Variants in LMO7 observed in about 807,000 individuals in gnomAD.
The protein encoded by LMO7 is LIM domain only protein 7.
LMO7 carries 120 observed loss-of-function variants against 206.5 expected under a neutral mutation model. The ratio of observed to expected loss-of-function variants is 0.58; its 90% confidence interval spans 0.50 to 0.68. LMO7 has a LOEUF of 0.68. Among genes scored for constraint, LMO7 ranks in the 30% least tolerant of loss-of-function variants. The pLI, the probability that LMO7 is intolerant of heterozygous loss-of-function variation, is 0.00. For missense variants in LMO7, 1,959 were observed against 1,957.9 expected (o/e 1.00, Z -0.01); for synonymous variants, 706 against 681.5 (o/e 1.04, Z -0.56).
chr13:75,822,762 C>CTATACATA (rs1555337498), intron 14 of LMO7, among the ~76,000 whole-genome samples: 1 of 108,448 alleles, frequency 9.2e-6, no homozygotes, highest in African/African-American at 3.6e-5. Flanking sequence ...TTTTTAGAAA[C>CTATACATA]TATATATATA....
intron 4 of LMO7, among the ~76,000 whole-genome samples, chr13:75,774,316 T>C (rs1437056045): frequency 6.6e-6 from 1 of 152,148 alleles, no homozygotes; most frequent in East Asian, 1.9e-4. Flanking sequence ...ATGTAGTCTG[T>C]TGTGTTTTAT....
rs187037048 is a variant in LMO7, at chr13:75,727,495, A to G, written c.210+397A>G. On this transcript the variant is annotated intron_variant, in intron 3 of 30. Coordinates refer to ENST00000377534, the MANE Select transcript of LMO7 (RefSeq NM_001306080.2). ...TACGAATACCTTCTACCTCAGATCC[A>G]TGTTTCCTATTTTCTCCTGTATCAT... Among the ~76,000 whole-genome samples, 26 of 152,172 alleles carry G rather than the reference A, an allele frequency of 1.7e-4. 1 individual carries two copies. In the East Asian group the frequency reaches 5.0e-3, roughly 29 times the overall value.
intron 4 of LMO7, among the ~76,000 whole-genome samples, chr13:75,776,162 G>GATATATATAT (rs58964680): frequency 0.012 from 425 of 36,672 alleles, 31 homozygotes; most frequent in Non-Finnish European, 0.014. Context: ...ATATATATCG[G>GATATATATAT]ATATATATAT....
intron 1 of LMO7, among the ~76,000 whole-genome samples, chr13:75,712,514 A>G (rs566048381): frequency 2.0e-5 from 3 of 152,226 alleles, no homozygotes; most frequent in South Asian, 4.1e-4. Flanking sequence ...CACCAACATT[A>G]TTGGTGGTGG....
At chr13:75,709,850 GT>G (rs35615423) in intron 1 of LMO7, among the ~76,000 whole-genome samples, 60,905 of 151,648 alleles carry the variant, frequency 0.4, 12,669 homozygotes, top group East Asian at 0.61. Flanking sequence ...TGCTTTTGGT[GT>G]TTTAGACATG....
chr13:75,636,206 C>G (rs531090760), upstream of LMO7: 13 of 782,860 alleles, frequency 1.7e-5, no homozygotes, highest in Middle Eastern at 6.0e-4. Flanking sequence ...CGGCCGGGAG[C>G]CCGGGGAGCC....
At position 75,681,706 on chromosome 13, in the gene LMO7, G is replaced by GTGTATATATATATATATATA. The variant is rs1259746833; in HGVS notation, c.70-31475_70-31474insGTATATATATATATATATAT. Among the ~76,000 whole-genome samples, 10 of 93,328 alleles carry GTGTATATATATATATATATA rather than the reference G, an allele frequency of 1.1e-4. 1 individual carries two copies. The highest frequency in any genetic ancestry group is 1.6e-4 in the Non-Finnish European group (7 of 45,006). The allele number at this position is 93,328 out of a possible 152,430, so 61.2% of individuals were successfully genotyped here. A position where few individuals can be genotyped will look rare whatever the true frequency, so the allele number is the denominator to read the frequency against. ...ATGTCATGTATGTATGTATGTATGT[G>GTGTATATATATATATATATA]TATATATATATGTATATATATATAT... On this transcript the variant is annotated intron_variant, in intron 1 of 30. Transcript: ENST00000377534.
At chr13:75,744,336 C>T (rs2046657671) in intron 3 of LMO7, among the ~76,000 whole-genome samples, 1 of 152,168 alleles carries the variant, frequency 6.6e-6, no homozygotes, top group African/African-American at 2.4e-5. Context: ...AGTTTAAGAA[C>T]ACTTCCTAGA....
intron 1 of LMO7, among the ~76,000 whole-genome samples, chr13:75,658,486 T>C (rs977937636): frequency 9.2e-5 from 14 of 152,178 alleles, no homozygotes; most frequent in African/African-American, 3.1e-4. Context: ...TAATATATTT[T>C]AAAAAATTAT....
chr13:75,632,861 A>ATTTTTTTTTTTTTTTTTT (rs1339104269), upstream of LMO7, among the ~76,000 whole-genome samples: 1 of 30,536 alleles, frequency 3.3e-5, no homozygotes, highest in African/African-American at 8.6e-5. Flanking sequence ...ATTACTTAAA[A>ATTTTTTTTTTTTTTTTTT]GTTTTTTTTT....
At chr13:75,644,909 G>A (rs1295772592) in intron 1 of LMO7, among the ~76,000 whole-genome samples, 3 of 152,214 alleles carry the variant, frequency 2.0e-5, no homozygotes, top group African/African-American at 7.2e-5. Context: ...TGGGATTACA[G>A]GTGTGAGCCA....
intron 19 of LMO7, among the ~76,000 whole-genome samples, chr13:75,837,160 G>A (rs759424784): frequency 4.6e-5 from 7 of 152,118 alleles, no homozygotes; most frequent in South Asian, 2.1e-4. Context: ...ATCTACATTC[G>A]ATAGTTTATA....
chr13:75,687,882 A>C (rs1418227668), intron 1 of LMO7, among the ~76,000 whole-genome samples: 1 of 152,176 alleles, frequency 6.6e-6, no homozygotes, highest in Admixed American at 6.5e-5. Flanking sequence ...CTCATCTTGA[A>C]TTGTAGCTCC....
In LMO7 at chr13:75,856,536, T is replaced by C; in HGVS notation, c.4801T>C (p.Ser1601Pro). The C allele has an allele frequency of 2.5e-6, 4 of 1,611,632 alleles. No individual in the cohort carries two copies. Among genetic ancestry groups the C allele is most frequent in the Non-Finnish European group, 2.5e-6 (3 of 1,178,064 alleles). The part of the protein sequence containing the change: ...CVACECDLGG[S>P]SSGAEVRIRN... ...TGCCTGTGAGTGTGACCTCGGAGGC[T>C]CTTCCTCAGGAGCTGAAGTCAGGAT... Residue 1601 changes from serine (S) to proline (P), a missense_variant, in exon 30 of 31, where the codon TCT becomes CCT. Physicochemically the swap from Ser to Pro is moderately conservative, Grantham distance 74. Coordinates refer to ENST00000377534, the MANE Select transcript of LMO7 (RefSeq NM_001306080.2).
chr13:75,759,600 C>T (rs946936668), intron 3 of LMO7, among the ~76,000 whole-genome samples: 10 of 152,124 alleles, frequency 6.6e-5, no homozygotes, highest in Admixed American at 6.6e-4. Flanking sequence ...TCGTGGATTT[C>T]ATCTTTCAGC....
intron 18 of LMO7, among the ~76,000 whole-genome samples, chr13:75,836,192 T>A (rs1479940607): frequency 6.6e-6 from 1 of 152,216 alleles, no homozygotes; most frequent in Non-Finnish European, 1.5e-5. Context: ...CATCCATGCC[T>A]GCAGCTGGTC....
chr13:75,855,167 T>C (rs2060824279), intron 28 of LMO7, 93 bp from the exon 29 acceptor site: 1 of 728,198 alleles, frequency 1.4e-6, no homozygotes, highest in Admixed American at 2.3e-5. Context: ...TTTCTTAAAT[T>C]ATTATCAGTG....
chr13:75,730,093 T>A (rs1361259546), intron 3 of LMO7, among the ~76,000 whole-genome samples: 2 of 151,908 alleles, frequency 1.3e-5, no homozygotes, highest in Non-Finnish European at 2.9e-5. Flanking sequence ...AATTCTCTTT[T>A]TTGGTTGTGT....
intron 3 of LMO7, among the ~76,000 whole-genome samples, chr13:75,731,003 A>T (rs888931679): frequency 6.6e-6 from 1 of 151,380 alleles, no homozygotes; most frequent in Non-Finnish European, 1.5e-5. Flanking sequence ...ACAGTTTGTT[A>T]TAATTTCTGT....
Sources: gnomAD v4.1 joint callset for allele counts (sites outside exome capture counted in the v4.1 genomes callset) on GRCh38, gnomAD v4.1.1 for gene constraint, MANE v1.5 for transcripts, NCBI Gene and HGNC (gene_info 2026-07-23, HGNC 2026-07-21) for gene names.